The following MGARP variants were observed in gnomAD, a reference collection of about 807,000 sequenced individuals.
MGARP encodes protein MGARP.
A neutral mutation model predicts 11.0 loss-of-function variants in MGARP; 12 were observed. The observed-to-expected ratio is 1.09, with a 90% CI of 0.70 to 1.77. The LOEUF (loss-of-function observed/expected upper bound fraction) is 1.77, where lower values mean the gene tolerates loss of function less well. Ranked by LOEUF, MGARP falls within the 40% of genes most tolerant of loss-of-function variation. The pLI is 0.00. For synonymous variants in MGARP, 110 were observed against 115.4 expected, an observed-to-expected ratio of 0.95 and a Z score of 0.30; for missense variants, 283 against 297.8, an observed-to-expected ratio of 0.95 and a Z score of 0.36.
chr4:139,273,201 C>T (rs1408035621), intron 2 of MGARP, among the ~76,000 whole-genome samples: 1 of 151,942 alleles, frequency 6.6e-6, no homozygotes, highest in Non-Finnish European at 1.5e-5. Flanking sequence ...ACTACAGGCT[C>T]TACTTTTATT....
rs778432468 is a variant in MGARP, at chr4:139,280,092, G to A, written c.67C>T (p.Pro23Ser). 1 of 1,612,144 alleles carries A rather than the reference G, an allele frequency of 6.2e-7. No individual in the cohort carries two copies. Among genetic ancestry groups the A allele is most frequent in the Non-Finnish European group, 8.5e-7 (1 of 1,179,696 alleles). Reference sequence around the variant, plus strand: ...CCTTACTCACCGTCCTTTCCGAGCGGCGCGGGGTTGGGGGGCGCCCTCAGC... The same window carrying A: ...CCTTACTCACCGTCCTTTCCGAGCGACGCGGGGTTGGGGGGCGCCCTCAGC... ...LPLRAPPNPA[P>S]LGKDASLRRM... The change falls in exon 1 of 4, where the codon CCG becomes TCG. Residue 23 changes from proline to serine, a missense_variant. Physicochemically the swap from Pro to Ser is moderately conservative, Grantham distance 74. Coordinates refer to ENST00000398955, the MANE Select transcript of MGARP (RefSeq NM_032623.4).
chr4:139,276,220 A>C (rs778479543), intron 1 of MGARP, among the ~76,000 whole-genome samples: 1 of 152,228 alleles, frequency 6.6e-6, no homozygotes, highest in East Asian at 1.9e-4. Context: ...CTGAGCATCT[A>C]CTACGTATTT....
chr4:139,275,722 C>G (rs1273568046), intron 1 of MGARP, among the ~76,000 whole-genome samples: 2 of 152,138 alleles, frequency 1.3e-5, no homozygotes, highest in Admixed American at 1.3e-4. Flanking sequence ...AAGAGAAAGC[C>G]ATGTACTATA....
chr4:139,273,282 C>A (rs1414992305), intron 2 of MGARP, among the ~76,000 whole-genome samples: 1 of 151,968 alleles, frequency 6.6e-6, no homozygotes, highest in African/African-American at 2.4e-5. Context: ...TGCAGTGGTG[C>A]AATCTCAGCT....
At chr4:139,278,963 T>TG (rs1027142529) in intron 1 of MGARP, among the ~76,000 whole-genome samples, 26 of 151,916 alleles carry the variant, frequency 1.7e-4, no homozygotes, top group Non-Finnish European at 2.8e-4. Flanking sequence ...CTAATCAACG[T>TG]GAAAAAAAAA....
At chr4:139,273,376 C>T (rs904700013) in intron 2 of MGARP, among the ~76,000 whole-genome samples, 5 of 151,914 alleles carry the variant, frequency 3.3e-5, no homozygotes, top group Non-Finnish European at 5.9e-5. Flanking sequence ...CACACCACCA[C>T]GCTGGGCTAA....
At chr4:139,275,531 G>C (rs1215093293) in intron 1 of MGARP, 139 bp from the exon 2 acceptor site, 3 of 627,440 alleles carry the variant, frequency 4.8e-6, no homozygotes, top group Non-Finnish European at 8.4e-6. Context: ...AGGGAATACA[G>C]TATTACGAGG....
intron 1 of MGARP, among the ~76,000 whole-genome samples, chr4:139,276,580 C>T (rs1395322234): frequency 6.6e-6 from 1 of 152,184 alleles, no homozygotes; most frequent in Non-Finnish European, 1.5e-5. Context: ...GGTGCAGTAG[C>T]TTATGCCTGT....
rs765434741 is a variant in MGARP at position 139,280,118 on chromosome 4, G to T, written c.41C>A (p.Pro14Gln). 4 of 1,611,798 alleles carry T rather than the reference G, an allele frequency of 2.5e-6. No individual in the cohort carries two copies. In the African/African-American group the frequency reaches 4.0e-5, roughly 16 times the overall value. ...RRAVSKTLALPLRAPPNPAPL... is the reference protein window; with the variant it reads ...RRAVSKTLALQLRAPPNPAPL... ...CGCGGGGTTGGGGGGCGCCCTCAGC[G>T]GCAGCGCCAGAGTCTTGGAGACCGC... is the stretch of plus-strand genomic sequence containing the variant. The change falls in exon 1 of 4, where the codon CCG becomes CAG. Residue 14 changes from proline (P) to glutamine (Q), a missense_variant. By Grantham distance (76) the Pro-to-Gln change is moderately conservative. Coordinates refer to ENST00000398955, the MANE Select transcript of MGARP (RefSeq NM_032623.4).
intron 2 of MGARP, among the ~76,000 whole-genome samples, chr4:139,272,686 CTTTTTTTT>C (rs774228171): frequency 9.0e-6 from 1 of 111,236 alleles, no homozygotes; most frequent in African/African-American, 3.6e-5. Flanking sequence ...ATTCATATTT[CTTTTTTTT>C]TTTTTTTTTT....
Position 139,268,374 on chromosome 4 carries a change from G to A in MGARP, c.280+298C>T, listed in dbSNP as rs1579046263. On this transcript the variant is annotated intron_variant, in intron 3 of 3. Transcript: ENST00000398955. ...ATGAGAAAAATGAAAGCTCATGCCT[G>A]CATGGGTGGATGCCTGAGCAGGGGA... Among the ~76,000 whole-genome samples the A allele has an allele frequency of 2.6e-5, 4 of 152,318 alleles. 1 individual carries two copies. The East Asian group carries it at 7.7e-4, about 29-fold the overall frequency.
intron 2 of MGARP, among the ~76,000 whole-genome samples, chr4:139,269,369 C>T (rs915280252): frequency 1.3e-5 from 2 of 152,036 alleles, no homozygotes; most frequent in African/African-American, 2.4e-5. Context: ...TGGCTCATGC[C>T]TGTAATCCCA....
Position 139,270,169 on chromosome 4 carries a change from G to A in MGARP, c.187-1404C>T, listed in dbSNP as rs1458079943. The stretch of plus-strand genomic sequence containing the variant: ...TACAAAATTAGCCGGGCGTGGTGGC[G>A]CATGCCTGTAATCCCAGCTACTCGG... On this transcript the variant is annotated intron_variant, in intron 2 of 3. Coordinates refer to ENST00000398955, the MANE Select transcript of MGARP (RefSeq NM_032623.4). Among the ~76,000 whole-genome samples, 5 of 151,530 alleles carry A rather than the reference G, an allele frequency of 3.3e-5. No individual in the cohort carries two copies. In the East Asian group the frequency reaches 5.8e-4, roughly 18 times the overall value.
chr4:139,269,408 C>A (rs192303917), intron 2 of MGARP, among the ~76,000 whole-genome samples: 1 of 151,938 alleles, frequency 6.6e-6, no homozygotes, highest in Non-Finnish European at 1.5e-5. Context: ...GTGGGTGGAT[C>A]ACCTGAAGTC....
intron 2 of MGARP, among the ~76,000 whole-genome samples, chr4:139,271,483 G>A (rs1368132183): frequency 2.6e-5 from 4 of 152,096 alleles, no homozygotes; most frequent in African/African-American, 7.2e-5. Flanking sequence ...ATGAGATTGC[G>A]CCATCGCACT....
At chr4:139,271,342 A>G (rs1744777936) in intron 2 of MGARP, among the ~76,000 whole-genome samples, 1 of 152,122 alleles carries the variant, frequency 6.6e-6, no homozygotes, top group Admixed American at 6.6e-5. Flanking sequence ...CCTGGCCAAC[A>G]TGGTGAAACC....
chr4:139,271,732 C>T (rs1352321832), intron 2 of MGARP, among the ~76,000 whole-genome samples: 8 of 152,164 alleles, frequency 5.3e-5, no homozygotes, highest in Admixed American at 5.2e-4. Context: ...TTACATTCAG[C>T]ATTTCCTCCT....
At chr4:139,267,603 T>C (rs1243655604) in intron 3 of MGARP, among the ~76,000 whole-genome samples, 1 of 152,164 alleles carries the variant, frequency 6.6e-6, no homozygotes, top group African/African-American at 2.4e-5. Flanking sequence ...ATTAAAATAC[T>C]GTATATGAAA....
At chr4:139,269,959 A>G (rs1744753423) in intron 2 of MGARP, among the ~76,000 whole-genome samples, 1 of 152,184 alleles carries the variant, frequency 6.6e-6, no homozygotes, top group South Asian at 2.1e-4. Context: ...GTACTACTTA[A>G]TTACAAACAA....
Sources: allele counts gnomAD v4.1 joint callset (sites outside exome capture counted in the v4.1 genomes callset), GRCh38; gene constraint gnomAD v4.1.1; transcripts MANE v1.5; gene names NCBI Gene and HGNC (gene_info 2026-07-23, HGNC 2026-07-21).